SCLT1: variants seen among roughly 807,000 people sequenced by gnomAD.
The protein encoded by SCLT1 is sodium channel-associated protein 1.
SCLT1 carries 78 observed loss-of-function variants against 112.8 expected under a neutral mutation model. That is an observed-to-expected ratio of 0.69 (90% CI 0.58 to 0.83). SCLT1 has a LOEUF of 0.83. Among genes scored for constraint, SCLT1 ranks in the 40% least tolerant of loss-of-function variants. The pLI is 0.00. For missense variants in SCLT1, 747 were observed against 770.4 expected (o/e 0.97, Z 0.36); for synonymous variants, 257 against 254.7 (o/e 1.01, Z -0.09).
intron 5 of SCLT1, among the ~76,000 whole-genome samples, chr4:129,025,366 C>G (rs1263869484): frequency 2.0e-5 from 3 of 152,182 alleles, no homozygotes; most frequent in African/African-American, 7.2e-5. Flanking sequence ...AGAAACGCTA[C>G]AAGCCAGAAG....
At chr4:128,937,346 C>G (rs1436120925) in intron 17 of SCLT1, among the ~76,000 whole-genome samples, 1 of 151,026 alleles carries the variant, frequency 6.6e-6, no homozygotes, top group Non-Finnish European at 1.5e-5. Context: ...CAAACGAAAA[C>G]TTATAATGTT....
In SCLT1 at chr4:128,946,168, A is replaced by T; in HGVS notation, c.1294-16T>A. 6.4e-7 allele frequency: 1 copy of T among 1,561,122 alleles called. No individual in the cohort carries two copies. The highest frequency in any genetic ancestry group is 8.8e-7 in the Non-Finnish European group (1 of 1,134,526). On this transcript the variant is annotated splice_polypyrimidine_tract_variant and intron_variant, in intron 15 of 20. Transcript: ENST00000281142. ...CACGGTAAATCTGCAGAAAAGGCTT[A>T]TTAGGTATATAATATTACAGAAGAA...
Position 128,952,818 on chromosome 4 carries a change from C to T in SCLT1, c.1169G>A (p.Cys390Tyr). ...TGTTAATCGAGAAATTTGTATATTACATTGTTTTTTGGTGTTTGCAACCTG... is the reference window on the plus strand; with the variant it reads ...TGTTAATCGAGAAATTTGTATATTATATTGTTTTTTGGTGTTTGCAACCTG... ...KKEVANTKKQ[C>Y]NIQISRLTEE... Residue 390 changes from cysteine to tyrosine, a missense_variant, in exon 14 of 21, where the codon TGT becomes TAT. Coordinates refer to ENST00000281142, the MANE Select transcript of SCLT1 (RefSeq NM_144643.4). 1 of 1,569,608 alleles carries T rather than the reference C, an allele frequency of 6.4e-7. No individual in the cohort carries two copies. The highest frequency in any genetic ancestry group is 1.1e-5 in the South Asian group (1 of 90,054).
intron 1 of SCLT1, among the ~76,000 whole-genome samples, chr4:129,082,653 CT>C (rs1431602605): frequency 1.3e-5 from 2 of 152,162 alleles, no homozygotes; most frequent in Non-Finnish European, 2.9e-5. Flanking sequence ...TCTCTGCTGG[CT>C]TGCTCTTCGG....
At chr4:128,874,684 G>C (rs1732443957) in intron 4 of SCLT1, 1 of 152,572 alleles carries the variant, frequency 6.6e-6, no homozygotes, top group African/African-American at 2.4e-5. Flanking sequence ...GCAGCAACCA[G>C]CCCAAACACC....
chr4:129,013,087 C>T (rs1010654255), intron 5 of SCLT1, among the ~76,000 whole-genome samples: 1 of 152,070 alleles, frequency 6.6e-6, no homozygotes, highest in Admixed American at 6.6e-5. Flanking sequence ...TTTCATTACC[C>T]AGGTATTAAG....
In SCLT1 at chr4:128,995,750, C is replaced by T. The variant is rs118036182; in HGVS notation, c.615+2124G>A. On this transcript the variant is annotated intron_variant, in intron 8 of 20. Transcript: ENST00000281142. ...CCCAATCTGCTGTCTCTGTTCTTCC[C>T]TAGGTGTCTAGACCATGCTGGACCT... 2.2e-4 allele frequency among the ~76,000 whole-genome samples: 33 copies of T among 152,172 alleles called. 1 individual carries two copies. The highest frequency in any genetic ancestry group is 2.1e-3 in the Admixed American group (32 of 15,284).
At chr4:128,899,324 C>A (rs1372432538) in intron 18 of SCLT1, among the ~76,000 whole-genome samples, 3 of 152,124 alleles carry the variant, frequency 2.0e-5, no homozygotes, top group Admixed American at 2.0e-4. Flanking sequence ...AGCTTATCCA[C>A]CATGATCAAG....
intron 5 of SCLT1, among the ~76,000 whole-genome samples, chr4:129,024,003 G>T (rs1256241096): frequency 3.3e-5 from 5 of 152,222 alleles, no homozygotes; most frequent in African/African-American, 1.2e-4. Context: ...GCCCGCCATT[G>T]CCCAGGCTTG....
chr4:128,939,212 A>G (rs544968201), intron 17 of SCLT1, among the ~76,000 whole-genome samples: 1 of 152,138 alleles, frequency 6.6e-6, no homozygotes, highest in South Asian at 2.1e-4. Flanking sequence ...TTCCACTATA[A>G]TGCCTTTTTA....
chr4:129,025,769 G>C (rs1158686120), intron 5 of SCLT1, among the ~76,000 whole-genome samples: 1 of 151,954 alleles, frequency 6.6e-6, no homozygotes, highest in East Asian at 1.9e-4. Flanking sequence ...TGGATAAAGA[G>C]TCAAGACACA....
At chr4:128,913,123 GTAGT>G (rs1328554478) in intron 18 of SCLT1, among the ~76,000 whole-genome samples, 1 of 152,162 alleles carries the variant, frequency 6.6e-6, no homozygotes, top group Non-Finnish European at 1.5e-5. Flanking sequence ...TTCTCTCAGG[GTAGT>G]TAACCATTTC....
At chr4:128,952,910 C>T in intron 13 of SCLT1, 70 bp from the exon 14 acceptor site, 1 of 793,814 alleles carries the variant, frequency 1.3e-6, no homozygotes, top group East Asian at 2.4e-5. Flanking sequence ...TAAAAACACT[C>T]AGGATAATAA....
intron 2 of SCLT1, among the ~76,000 whole-genome samples, chr4:129,061,222 A>G (rs4975194): frequency 0.72 from 109,649 of 152,046 alleles, 41,553 homozygotes; most frequent in South Asian, 0.89. Context: ...GTGAGGGCAG[A>G]TGCGCGGCAG....
intron 5 of SCLT1, chr4:129,038,062 A>G: frequency 6.5e-6 from 1 of 153,528 alleles, no homozygotes; most frequent in Non-Finnish European, 1.5e-5. Context: ...CGAATCCGGG[A>G]GGCGGAGCTT....
intron 10 of SCLT1, among the ~76,000 whole-genome samples, chr4:128,967,539 G>A (rs985651327): frequency 2.6e-5 from 4 of 152,122 alleles, no homozygotes; most frequent in African/African-American, 9.7e-5. Flanking sequence ...ACTTTGTAAT[G>A]ATAGCCATTC....
At chr4:128,902,758 C>T (rs1734418919) in intron 18 of SCLT1, among the ~76,000 whole-genome samples, 1 of 152,142 alleles carries the variant, frequency 6.6e-6, no homozygotes, top group Non-Finnish European at 1.5e-5. Flanking sequence ...CCTACTGTAA[C>T]TTTTTACTTT....
At chr4:128,943,999 T>C (rs769381325) in intron 16 of SCLT1, among the ~76,000 whole-genome samples, 3 of 152,142 alleles carry the variant, frequency 2.0e-5, no homozygotes, top group Non-Finnish European at 4.4e-5. Context: ...AACTTTGACC[T>C]GGTGGCAGTT....
At chr4:129,010,915 C>T (rs1202518004) in intron 5 of SCLT1, among the ~76,000 whole-genome samples, 7 of 151,840 alleles carry the variant, frequency 4.6e-5, no homozygotes, top group Admixed American at 2.0e-4. Context: ...TACATTTCTT[C>T]CTCTTGCCTG....
Sources: allele counts gnomAD v4.1 joint callset (sites outside exome capture counted in the v4.1 genomes callset), GRCh38; gene constraint gnomAD v4.1.1; transcripts MANE v1.5; gene names NCBI Gene and HGNC (gene_info 2026-07-23, HGNC 2026-07-21).